GBP6: variants seen among roughly 807,000 people sequenced by gnomAD.
The protein encoded by GBP6 is guanylate-binding protein 6.
In GBP6, 54 loss-of-function variants were observed where a neutral mutation model predicts 61.5. The ratio of observed to expected loss-of-function variants is 0.88; its 90% confidence interval spans 0.71 to 1.10. The LOEUF is 1.10. Among genes scored for constraint, GBP6 ranks in the 50% least tolerant of loss-of-function variants. GBP6 has a pLI of 0.00. For missense variants in GBP6, 748 were observed against 752.8 expected (o/e 0.99, Z 0.07); for synonymous variants, 255 against 273.7 (o/e 0.93, Z 0.67).
intron 3 of GBP6, among the ~76,000 whole-genome samples, chr1:89,377,434 C>G (rs1652837403): frequency 6.6e-6 from 1 of 152,084 alleles, no homozygotes. Flanking sequence ...TCCAGGAAAC[C>G]CTCATATCAC....
At position 89,381,854 on chromosome 1, in the gene GBP6, C is replaced by A. The variant is rs373830740; in HGVS notation, c.1032C>A (p.Leu344=). 2.4e-5 allele frequency: 38 copies of A among 1,613,930 alleles called. No homozygotes were observed. Among genetic ancestry groups the A allele is most frequent in the Non-Finnish European group, 3.1e-5 (37 of 1,179,946 alleles). Residue 344 remains leucine, a synonymous_variant, in exon 7 of 11, where the codon CTC becomes CTA. Transcript: ENST00000370456. ...AGCAGATGGCCCAGCGAGTGAAGCT[C>A]CCCACAGACACGCTCCAGGAGCTGC... ...YSQQMAQRVK[L]PTDTLQELLD...
chr1:89,381,442 C>T (rs1652974726), intron 6 of GBP6, among the ~76,000 whole-genome samples: 1 of 152,052 alleles, frequency 6.6e-6, no homozygotes, highest in Non-Finnish European at 1.5e-5. Flanking sequence ...GTACTTCCTG[C>T]ATACCCTCTA....
At chr1:89,375,392 C>G (rs1652776605) in intron 3 of GBP6, among the ~76,000 whole-genome samples, 1 of 152,124 alleles carries the variant, frequency 6.6e-6, no homozygotes, top group African/African-American at 2.4e-5. Context: ...AGGCTGTGGG[C>G]TTTTACACCA....
intron 3 of GBP6, among the ~76,000 whole-genome samples, chr1:89,371,926 G>A (rs1570462848): frequency 2.0e-5 from 3 of 152,300 alleles, no homozygotes; most frequent in South Asian, 4.1e-4. Flanking sequence ...CATCATCTCA[G>A]CCCAAAATCT....
chr1:89,381,631 T>C, intron 6 of GBP6, 63 bp from the exon 7 acceptor site: 6 of 1,520,696 alleles, frequency 3.9e-6, no homozygotes, highest in Non-Finnish European at 5.3e-6. Flanking sequence ...CTCAGAAATG[T>C]AGCCTAGGAT....
rs1653009384 is a variant in GBP6 at position 89,382,595 on chromosome 1, A to G, written c.1153-69A>G. The G allele has an allele frequency of 1.2e-5, 16 of 1,290,314 alleles. No homozygotes were observed. The South Asian group carries it at 2.0e-4, about 16-fold the overall frequency. 79.9% of individuals were successfully genotyped at this position (1,290,314 alleles called of 1,614,324 possible). A position where few individuals can be genotyped will look rare whatever the true frequency, so the allele number is the denominator to read the frequency against. ...GGACCACAGTTAGATTGACTCTACC[A>G]CCAGATTCTTTAGAATTTCATCTCC... On this transcript the variant is annotated intron_variant, in intron 7 of 10. Coordinates refer to ENST00000370456, the MANE Select transcript of GBP6 (RefSeq NM_198460.3).
chr1:89,374,026 A>G (rs1330247330), intron 3 of GBP6, among the ~76,000 whole-genome samples: 1 of 151,972 alleles, frequency 6.6e-6, no homozygotes, highest in East Asian at 1.9e-4. Context: ...AGAGCTGATC[A>G]TTTTATAAGG....
chr1:89,380,055 T>C lies in GBP6; in HGVS notation c.626-331T>C, dbSNP rs1652920292. The stretch of plus-strand genomic sequence containing the variant: ...AAAGAGGCTAAGGTGGAAGGATCAC[T>C]TGAGCCTAGGAAATCAAGGATGCAG... On this transcript the variant is annotated intron_variant, in intron 5 of 10. Coordinates refer to ENST00000370456, the MANE Select transcript of GBP6 (RefSeq NM_198460.3). 2.0e-5 allele frequency among the ~76,000 whole-genome samples: 3 copies of C among 152,172 alleles called. No individual in the cohort carries two copies. In the South Asian group the frequency reaches 6.2e-4, roughly 31 times the overall value.
chr1:89,381,560 A>C, intron 6 of GBP6, 134 bp from the exon 7 acceptor site: 1 of 721,650 alleles, frequency 1.4e-6, no homozygotes, highest in Non-Finnish European at 2.3e-6. Flanking sequence ...AGAAGGAGGT[A>C]GGGATGTGGG....
chr1:89,371,423 T>C (rs930363261), intron 3 of GBP6, among the ~76,000 whole-genome samples: 2 of 152,188 alleles, frequency 1.3e-5, no homozygotes, highest in Non-Finnish European at 2.9e-5. Context: ...AATAAAATAC[T>C]GGCAAACCGA....
intron 1 of GBP6, among the ~76,000 whole-genome samples, chr1:89,366,359 G>T (rs1396755283): frequency 1.3e-5 from 2 of 152,090 alleles, no homozygotes; most frequent in East Asian, 3.8e-4. Context: ...TTAGATTCTG[G>T]ACATTCTCCT....
At chr1:89,379,346 TGG>T (rs59888599) in intron 5 of GBP6, among the ~76,000 whole-genome samples, 3,497 of 151,284 alleles carry the variant, frequency 0.023, 123 homozygotes, top group African/African-American at 0.074. Context: ...CCTCCAACAT[TGG>T]GGGGGGGGGG....
chr1:89,384,401 G>A, intron 10 of GBP6, 115 bp downstream of exon 10: 5 of 765,132 alleles, frequency 6.5e-6, no homozygotes, highest in Non-Finnish European at 1.0e-5. Flanking sequence ...TTTGCTGCTT[G>A]GCAATCACTA....
chr1:89,373,392 G>A lies in GBP6; in HGVS notation c.318+3719G>A, dbSNP rs142323193. Among the ~76,000 whole-genome samples the A allele has an allele frequency of 7.6e-4, 116 of 152,216 alleles. 3 individuals are homozygous for A. In the East Asian group the frequency reaches 0.021, roughly 28 times the overall value. ...TATGTTTATTGCGGCACTATTCACA[G>A]TAGCAAAGACTTGGAACCAACCCAG... On this transcript the variant is annotated intron_variant, in intron 3 of 10. Coordinates refer to ENST00000370456, the MANE Select transcript of GBP6 (RefSeq NM_198460.3).
chr1:89,378,198 C>T lies in GBP6; in HGVS notation c.414C>T (p.Ala138=), dbSNP rs755553173. Reference sequence around the variant, plus strand: ...GCATGAGCACCATCAACCACCAGGCCCTGGAGCAGCTGCAGTATCCTTCCA... The same window carrying T: ...GCATGAGCACCATCAACCACCAGGCTCTGGAGCAGCTGCAGTATCCTTCCA... ...YNSMSTINHQ[A]LEQLHYVTEL... Residue 138 remains alanine, a synonymous_variant, in exon 4 of 11, where the codon GCC becomes GCT. Coordinates refer to ENST00000370456, the MANE Select transcript of GBP6 (RefSeq NM_198460.3). The T allele has an allele frequency of 2.5e-6, 4 of 1,610,426 alleles. No homozygotes were observed. In the African/African-American group the frequency reaches 4.0e-5, roughly 16 times the overall value.
intron 3 of GBP6, among the ~76,000 whole-genome samples, chr1:89,376,615 C>T (rs1652816249): frequency 6.6e-6 from 1 of 152,116 alleles, no homozygotes; most frequent in Non-Finnish European, 1.5e-5. Context: ...ACTACTGTGG[C>T]TTTGCAATAT....
rs1054246468 is a variant in GBP6 at position 89,386,447 on chromosome 1, T to C, written c.*978T>C. 6.6e-6 allele frequency: 1 copy of C among 152,090 alleles called. No homozygotes were observed. Among genetic ancestry groups the C allele is most frequent in the Non-Finnish European group, 1.5e-5 (1 of 68,008 alleles). 9.4% of individuals were successfully genotyped at this position (152,090 alleles called of 1,614,324 possible). A position where few individuals can be genotyped will look rare whatever the true frequency, so the allele number is the denominator to read the frequency against. ...AATAATGATAACAATAAAAAAATAGTGAAATTGGCTATCAGATGATGAAAT... is the reference window on the plus strand; with the variant it reads ...AATAATGATAACAATAAAAAAATAGCGAAATTGGCTATCAGATGATGAAAT... On this transcript the variant is annotated 3_prime_UTR_variant, in exon 11 of 11. Transcript: ENST00000370456.
intron 5 of GBP6, among the ~76,000 whole-genome samples, chr1:89,380,018 G>A (rs1166282027): frequency 3.3e-5 from 5 of 152,134 alleles, no homozygotes; most frequent in Admixed American, 2.0e-4. Context: ...CACACCTGTA[G>A]TCTCAACTAC....
chr1:89,383,700 G>T lies in GBP6; in HGVS notation c.1414G>T (p.Glu472Ter). The change falls in exon 9 of 11, where the codon GAA becomes TAA. Residue 472 changes from glutamate (E) to a stop codon, truncating the protein, a stop_gained. Transcript: ENST00000370456. LOFTEE classifies it high-confidence loss of function. The stretch of plus-strand genomic sequence containing the variant: ...CCTGGAGTCACAGATGGTGATAGAG[G>T]AATCCATCTTGCAGTCAGATAAAGC... ...RFLESQMVIE[E>*]SILQSDKALT... is the part of the protein sequence containing the mutation. 2 of 1,612,928 alleles carry T rather than the reference G, an allele frequency of 1.2e-6. No homozygotes were observed. Among genetic ancestry groups the T allele is most frequent in the East Asian group, 4.5e-5 (2 of 44,880 alleles).
Sources: gnomAD v4.1 joint callset for allele counts (sites outside exome capture counted in the v4.1 genomes callset) on GRCh38, gnomAD v4.1.1 for gene constraint, MANE v1.5 for transcripts, NCBI Gene and HGNC (gene_info 2026-07-23, HGNC 2026-07-21) for gene names.